The following UBE2R2 variants were observed in gnomAD, a reference collection of about 807,000 sequenced individuals.
UBE2R2 encodes ubiquitin conjugating enzyme E2 R2, also known as ubiquitin-conjugating enzyme E2 R2.
UBE2R2 carries 1 observed loss-of-function variant against 27.8 expected under a neutral mutation model. The observed-to-expected ratio is 0.04, with a 90% confidence interval of 0.01 to 0.17. The LOEUF is 0.17. UBE2R2 is among the 10% of genes least tolerant of loss of function. The pLI, the probability that UBE2R2 is intolerant of heterozygous loss-of-function variation, is 1.00. For missense variants in UBE2R2, 100 were observed against 291.0 expected (o/e 0.34, Z 4.78); for synonymous variants, 106 against 113.3 (o/e 0.94, Z 0.41).
chr9:33,842,203 C>A (rs1490052164), intron 1 of UBE2R2, among the ~76,000 whole-genome samples: 1 of 152,028 alleles, frequency 6.6e-6, no homozygotes, highest in Non-Finnish European at 1.5e-5. Context: ...AATTCTCCAC[C>A]AGCCTGAGTG....
chr9:33,904,868 A>G (rs1044223030), intron 3 of UBE2R2, among the ~76,000 whole-genome samples: 2 of 152,180 alleles, frequency 1.3e-5, no homozygotes, highest in African/African-American at 4.8e-5. Context: ...AGGAGTAGGC[A>G]TTTGTCAGCA....
At chr9:33,828,069 G>A (rs1820354745) in intron 1 of UBE2R2, among the ~76,000 whole-genome samples, 1 of 151,858 alleles carries the variant, frequency 6.6e-6, no homozygotes, top group Non-Finnish European at 1.5e-5. Flanking sequence ...TTGGGAGGCT[G>A]AGGCTGGCGG....
At chr9:33,843,365 A>C (rs573100614) in intron 1 of UBE2R2, among the ~76,000 whole-genome samples, 13 of 149,512 alleles carry the variant, frequency 8.7e-5, no homozygotes, top group African/African-American at 2.0e-4. Flanking sequence ...ACCTCTTTTT[A>C]AAAAAAAAAT....
chr9:33,856,149 CA>C (rs1237276184), intron 1 of UBE2R2, among the ~76,000 whole-genome samples: 1 of 152,174 alleles, frequency 6.6e-6, no homozygotes, highest in Non-Finnish European at 1.5e-5. Context: ...ATGATTTTCC[CA>C]AAGCATAAAT....
intron 1 of UBE2R2, among the ~76,000 whole-genome samples, chr9:33,886,515 C>T (rs1239073720): frequency 1.3e-5 from 2 of 151,986 alleles, no homozygotes; most frequent in African/African-American, 2.4e-5. Context: ...ATTAGCCGGA[C>T]GTGGTGGCGT....
intron 1 of UBE2R2, among the ~76,000 whole-genome samples, chr9:33,879,544 C>G (rs988830241): frequency 2.0e-5 from 3 of 151,802 alleles, no homozygotes; most frequent in Non-Finnish European, 4.4e-5. Context: ...GACTCGACCT[C>G]CTGGGCTCAG....
intron 1 of UBE2R2, among the ~76,000 whole-genome samples, chr9:33,853,110 ATTTGT>A (rs1821005517): frequency 6.6e-6 from 1 of 151,896 alleles, no homozygotes; most frequent in Admixed American, 6.6e-5. Flanking sequence ...CATGTGGATG[ATTTGT>A]GTAGGAACTA....
At chr9:33,896,606 ATTT>A (rs60575205) in intron 2 of UBE2R2, among the ~76,000 whole-genome samples, 2 of 139,478 alleles carry the variant, frequency 1.4e-5, no homozygotes, top group African/African-American at 5.3e-5. Context: ...ATGACTGGCT[ATTT>A]TTTTTTTTTT....
At chr9:33,904,880 G>T (rs1822319646) in intron 3 of UBE2R2, among the ~76,000 whole-genome samples, 1 of 152,212 alleles carries the variant, frequency 6.6e-6, no homozygotes, top group South Asian at 2.1e-4. Context: ...TTGTCAGCAA[G>T]AATGGAGTTG....
intron 1 of UBE2R2, among the ~76,000 whole-genome samples, chr9:33,825,162 T>C (rs1212295594): frequency 6.6e-6 from 1 of 151,726 alleles, no homozygotes; most frequent in African/African-American, 2.4e-5. Flanking sequence ...TTAAGAATGA[T>C]CGGCCAGGCG....
At chr9:33,844,157 G>T (rs1202155506) in intron 1 of UBE2R2, among the ~76,000 whole-genome samples, 2 of 152,164 alleles carry the variant, frequency 1.3e-5, no homozygotes, top group African/African-American at 4.8e-5. Flanking sequence ...ATTTTCATAA[G>T]TTTTATTAAT....
rs558805734 is a variant in UBE2R2, at chr9:33,880,338, A to G, written c.178-6543A>G. 3.9e-5 allele frequency among the ~76,000 whole-genome samples: 6 copies of G among 152,100 alleles called. No individual in the cohort carries two copies. In the East Asian group the frequency reaches 5.8e-4, roughly 15 times the overall value. On this transcript the variant is annotated intron_variant, in intron 1 of 4. Transcript: ENST00000263228. ...TTCATTGTCATTTTTTTCATGTTCA[A>G]TTAAACAATTTTCTAAGTAACTTTG...
chr9:33,906,043 G>A (rs1320366570), intron 3 of UBE2R2, among the ~76,000 whole-genome samples: 3 of 152,214 alleles, frequency 2.0e-5, no homozygotes, highest in Admixed American at 6.5e-5. Flanking sequence ...ATACATGCAT[G>A]CTTGCCCATG....
In UBE2R2 at chr9:33,817,562, C is replaced by CGG; in HGVS notation, c.-196_-195insGG. 1 of 422,704 alleles carries CGG rather than the reference C, an allele frequency of 2.4e-6. No individual in the cohort carries two copies. The highest frequency in any genetic ancestry group is 3.3e-6 in the Non-Finnish European group (1 of 299,190). 26.2% of individuals were successfully genotyped at this position (422,704 alleles called of 1,614,324 possible). On this transcript the variant is annotated 5_prime_UTR_variant, in exon 1 of 5. Coordinates refer to ENST00000263228, the MANE Select transcript of UBE2R2 (RefSeq NM_017811.4). ...TGTGAGGAGAAGGGCCCGGCCCGGC[C>CGG]TGCGTCGTGTGTGAGGAGGACCCCG... is the stretch of plus-strand genomic sequence containing the variant.
At chr9:33,833,286 T>G (rs973496690) in intron 1 of UBE2R2, among the ~76,000 whole-genome samples, 2 of 152,150 alleles carry the variant, frequency 1.3e-5, no homozygotes, top group African/African-American at 4.8e-5. Flanking sequence ...AGGATGGTCT[T>G]GATCTCCTGA....
intron 2 of UBE2R2, among the ~76,000 whole-genome samples, chr9:33,891,531 C>T (rs1341871921): frequency 2.0e-5 from 3 of 151,950 alleles, no homozygotes; most frequent in Admixed American, 2.0e-4. Context: ...CCTGTAATCC[C>T]AGTTGCTTGG....
intron 1 of UBE2R2, among the ~76,000 whole-genome samples, chr9:33,848,671 G>A (rs1459666885): frequency 2.0e-5 from 3 of 151,268 alleles, no homozygotes. Context: ...GCGTGATCTC[G>A]GCTCGCTGCA....
At chr9:33,914,786 G>A (rs1004989777) in intron 4 of UBE2R2, among the ~76,000 whole-genome samples, 13 of 150,470 alleles carry the variant, frequency 8.6e-5, no homozygotes, top group South Asian at 2.1e-4. Context: ...CTGAGATCGC[G>A]CCACTGCACT....
chr9:33,896,102 A>T (rs56076021), intron 2 of UBE2R2, among the ~76,000 whole-genome samples: 1 of 152,084 alleles, frequency 6.6e-6, no homozygotes, highest in Non-Finnish European at 1.5e-5. Context: ...ACAATTATCA[A>T]TGGAATTGTT....
Sources: allele counts gnomAD v4.1 joint callset (sites outside exome capture counted in the v4.1 genomes callset), GRCh38; gene constraint gnomAD v4.1.1; transcripts MANE v1.5; gene names NCBI Gene and HGNC (gene_info 2026-07-23, HGNC 2026-07-21).